Variants in ZNF670 observed in about 807,000 individuals in gnomAD.
The protein encoded by ZNF670 is zinc finger protein 670.
A neutral mutation model predicts 10.9 loss-of-function variants in ZNF670; 7 were observed. The observed-to-expected ratio is 0.64, with a 90% CI of 0.36 to 1.20. ZNF670 has a LOEUF of 1.20. Ranked by LOEUF, ZNF670 falls within the 50% of genes most tolerant of loss-of-function variation. The pLI, the probability that ZNF670 is intolerant of heterozygous loss-of-function variation, is 0.02. For synonymous variants in ZNF670, 136 were observed against 152.7 expected (o/e 0.89, Z 0.81); for missense variants, 446 against 458.6 (o/e 0.97, Z 0.25).
At chr1:247,043,466 G>C (rs1670367078) in intron 1 of ZNF670, 1 of 645,204 alleles carries the variant, frequency 1.5e-6, no homozygotes, top group Non-Finnish European at 2.7e-6. Flanking sequence ...TGAAGAATAT[G>C]CCTTGGTTAA....
At chr1:247,047,886 G>A (rs544797058) in intron 1 of ZNF670, among the ~76,000 whole-genome samples, 135 of 152,108 alleles carry the variant, frequency 8.9e-4, no homozygotes, top group African/African-American at 3.0e-3. Flanking sequence ...CCTGGGTCCC[G>A]GATCATGAAA....
intron 1 of ZNF670, among the ~76,000 whole-genome samples, chr1:247,069,007 G>A (rs769148156): frequency 4.0e-5 from 6 of 150,686 alleles, no homozygotes; most frequent in African/African-American, 5.0e-5. Flanking sequence ...ATAGAGAGTC[G>A]AAGGATGGTT....
intron 1 of ZNF670, among the ~76,000 whole-genome samples, chr1:247,069,319 G>T (rs1175832780): frequency 6.6e-6 from 1 of 150,568 alleles, no homozygotes; most frequent in Non-Finnish European, 1.5e-5. Flanking sequence ...CCCCAAGAAA[G>T]TTAAAGAAGA....
chr1:247,060,725 G>A (rs1045295025), intron 1 of ZNF670, among the ~76,000 whole-genome samples: 1 of 151,940 alleles, frequency 6.6e-6, no homozygotes, highest in Admixed American at 6.6e-5. Context: ...TTATAGCCAT[G>A]CAAAAAAATT....
At chr1:247,075,266 A>G (rs573169246) in intron 1 of ZNF670, among the ~76,000 whole-genome samples, 1 of 152,356 alleles carries the variant, frequency 6.6e-6, no homozygotes, top group South Asian at 2.1e-4. Flanking sequence ...TCCAGATAAC[A>G]GGATAAAAAA....
intron 1 of ZNF670, among the ~76,000 whole-genome samples, chr1:247,063,042 G>C (rs10924899): frequency 6.6e-6 from 1 of 152,140 alleles, no homozygotes; most frequent in South Asian, 2.1e-4. Context: ...AAATGTCTGC[G>C]CTTAGGTAAA....
At chr1:247,054,531 G>A (rs1670673266) in intron 1 of ZNF670, among the ~76,000 whole-genome samples, 1 of 152,228 alleles carries the variant, frequency 6.6e-6, no homozygotes, top group African/African-American at 2.4e-5. Context: ...GTTCCTGGAG[G>A]ACATTTCTAG....
chr1:247,060,779 A>G (rs1260121504), intron 1 of ZNF670, among the ~76,000 whole-genome samples: 3 of 152,258 alleles, frequency 2.0e-5, no homozygotes, highest in African/African-American at 7.2e-5. Flanking sequence ...AAAATAAAGT[A>G]TAACACAGGT....
At chr1:247,077,256 C>T (rs1414798911) in intron 1 of ZNF670, among the ~76,000 whole-genome samples, 2 of 152,156 alleles carry the variant, frequency 1.3e-5, no homozygotes, top group Non-Finnish European at 2.9e-5. Flanking sequence ...CTCCAGGGCA[C>T]CCAGATGCTG....
intron 1 of ZNF670, among the ~76,000 whole-genome samples, chr1:247,044,239 G>A (rs1281137240): frequency 6.6e-6 from 1 of 151,440 alleles, no homozygotes; most frequent in Non-Finnish European, 1.5e-5. Context: ...AATAAAAGGA[G>A]AAATAATTGG....
Position 247,034,758 on chromosome 1 carries a change from C to G in ZNF670, c.*2691G>C, listed in dbSNP as rs976935334. On this transcript the variant is annotated 3_prime_UTR_variant, in exon 4 of 4. Coordinates refer to ENST00000366503, the MANE Select transcript of ZNF670 (RefSeq NM_033213.5). ...TCCCTGGAGCTGTCCCAAGTGTGTACAGTAATAACGTTCACATGGCTACTC... is the reference window on the plus strand; with the variant it reads ...TCCCTGGAGCTGTCCCAAGTGTGTAGAGTAATAACGTTCACATGGCTACTC... 6.6e-6 allele frequency among the ~76,000 whole-genome samples: 1 copy of G among 152,188 alleles called. No individual in the cohort carries two copies.
intron 1 of ZNF670, among the ~76,000 whole-genome samples, chr1:247,073,896 C>G (rs1440021415): frequency 6.6e-6 from 1 of 152,156 alleles, no homozygotes; most frequent in Non-Finnish European, 1.5e-5. Flanking sequence ...GCCCAGAACT[C>G]AGCAAAAACA....
chr1:247,053,239 C>A lies in ZNF670; in HGVS notation c.4-13702G>T, dbSNP rs547028168. The stretch of plus-strand genomic sequence containing the variant: ...AGAATGCAAGTAGGGCTTTTAGGCC[C>A]CACTCCATCCCATCTGCTGTGACTT... On this transcript the variant is annotated intron_variant, in intron 1 of 3. Transcript: ENST00000366503. 1.2e-4 allele frequency among the ~76,000 whole-genome samples: 18 copies of A among 152,290 alleles called. No individual in the cohort carries two copies. The East Asian group carries it at 3.5e-3, about 29-fold the overall frequency.
rs1558348464 is a variant in ZNF670 at position 247,072,837 on chromosome 1, T to TACACACAC, written c.3+5756_3+5757insGTGTGTGT. Among the ~76,000 whole-genome samples, 356 of 87,128 alleles carry TACACACAC rather than the reference T, an allele frequency of 4.1e-3. 11 individuals are homozygous for TACACACAC. The highest frequency in any genetic ancestry group is 0.023 in the African/African-American group (326 of 14,374). 57.2% of individuals were successfully genotyped at this position (87,128 alleles called of 152,430 possible). ...ATATATATATATATATATATATATATATGCATACACACACATACACACACA... is the reference window on the plus strand; with the variant it reads ...ATATATATATATATATATATATATATACACACACATGCATACACACACATACACACACA... On this transcript the variant is annotated intron_variant, in intron 1 of 3. Transcript: ENST00000366503.
At chr1:247,046,775 G>A (rs948820444) in intron 1 of ZNF670, among the ~76,000 whole-genome samples, 1 of 152,170 alleles carries the variant, frequency 6.6e-6, no homozygotes, top group Non-Finnish European at 1.5e-5. Flanking sequence ...CAAGCAGAAA[G>A]CACTGTGAGC....
intron 1 of ZNF670, chr1:247,042,882 A>G (rs890265743): frequency 3.1e-6 from 2 of 642,744 alleles, no homozygotes; most frequent in Admixed American, 4.2e-5. Flanking sequence ...AACTGGCTCA[A>G]CTACAGCAGA....
chr1:247,072,819 T>TGC, intron 1 of ZNF670, among the ~76,000 whole-genome samples: 1 of 63,100 alleles, frequency 1.6e-5, no homozygotes, highest in African/African-American at 1.0e-4. Context: ...TATATATATA[T>TGC]ATATATATAT....
intron 1 of ZNF670, chr1:247,043,359 CT>C (rs1670363988): frequency 1.8e-6 from 1 of 550,746 alleles, no homozygotes; most frequent in Non-Finnish European, 3.4e-6. Context: ...GTATTTGAGC[CT>C]TGTAAAGCAT....
rs749432362 is a variant in ZNF670 at position 247,038,423 on chromosome 1, G to A, written c.196C>T (p.His66Tyr). Residue 66 changes from histidine to tyrosine, a missense_variant, in exon 4 of 4, where the codon CAT becomes TAT. Physicochemically the swap from His to Tyr is moderately conservative, Grantham distance 83. Coordinates refer to ENST00000366503, the MANE Select transcript of ZNF670 (RefSeq NM_033213.5). ...FKNPGRNLSS[H>Y]VVERLFEIKE... is the part of the protein sequence containing the mutation. Reference sequence around the variant, plus strand: ...ATTTCAAACAGTCTCTCTACCACATGACTGCTGTAAAAATGATAAACATCA... The same window carrying A: ...ATTTCAAACAGTCTCTCTACCACATAACTGCTGTAAAAATGATAAACATCA... 4 of 1,601,418 alleles carry A rather than the reference G, an allele frequency of 2.5e-6. No homozygotes were observed. Among genetic ancestry groups the A allele is most frequent in the Middle Eastern group, 1.7e-4 (1 of 5,998 alleles).
Sources: gnomAD v4.1 joint callset for allele counts (sites outside exome capture counted in the v4.1 genomes callset) on GRCh38, gnomAD v4.1.1 for gene constraint, MANE v1.5 for transcripts, NCBI Gene and HGNC (gene_info 2026-07-23, HGNC 2026-07-21) for gene names.